The following LCOR variants were observed in gnomAD, a reference collection of about 807,000 sequenced individuals.
LCOR encodes ligand dependent nuclear receptor corepressor, also known as ligand-dependent corepressor.
Under a neutral mutation model 64.4 loss-of-function variants are expected in LCOR, and 14 were observed. The observed-to-expected ratio is 0.22, with a 90% CI of 0.14 to 0.34. The LOEUF (loss-of-function observed/expected upper bound fraction) is 0.34. Ranked by LOEUF, LCOR falls within the 10% of genes least tolerant of loss-of-function variation. The pLI, the probability that LCOR is intolerant of heterozygous loss-of-function variation, is 1.00. For missense variants in LCOR, 1,686 were observed against 1,765.3 expected, an observed-to-expected ratio of 0.96 and a Z score of 0.80; for synonymous variants, 643 against 642.5, an observed-to-expected ratio of 1.00 and a Z score of -0.01.
At chr10:96,958,258 G>A in intron 7 of LCOR, 2 of 1,325,886 alleles carry the variant, frequency 1.5e-6, no homozygotes, top group African/African-American at 1.5e-5. Flanking sequence ...GGCCCTAAAA[G>A]TTCAACTTTT....
intron 2 of LCOR, among the ~76,000 whole-genome samples, chr10:96,866,340 A>G (rs1485356069): frequency 1.3e-5 from 2 of 152,076 alleles, no homozygotes; most frequent in East Asian, 3.9e-4. Flanking sequence ...ACATTAGTTC[A>G]TTCTTTTCTA....
intron 1 of LCOR, 42 bp downstream of exon 1, chr10:96,832,441 C>T: frequency 2.5e-6 from 2 of 790,016 alleles, no homozygotes; most frequent in Non-Finnish European, 3.1e-6. Context: ...CCGGCCGCCC[C>T]GCCGCCGGTC....
At chr10:96,882,178 AAAGGGGCATTGCT>A (rs1353420019) in intron 2 of LCOR, among the ~76,000 whole-genome samples, 2 of 152,216 alleles carry the variant, frequency 1.3e-5, no homozygotes, top group Non-Finnish European at 2.9e-5. Context: ...AAAAGTGGGA[AAAGGGGCATTGCT>A]TTTACCTTTT....
intron 2 of LCOR, among the ~76,000 whole-genome samples, chr10:96,894,990 C>G (rs1589638233): frequency 6.6e-6 from 1 of 152,232 alleles, no homozygotes; most frequent in East Asian, 1.9e-4. Context: ...CTTTTTCTTT[C>G]TAATCTTTAA....
Position 96,992,795 on chromosome 10 carries a change from T to A in LCOR, c.*7661T>A, listed in dbSNP as rs1440722132. On this transcript the variant is annotated 3_prime_UTR_variant, in exon 8 of 8. Coordinates refer to ENST00000421806, the MANE Select transcript of LCOR (RefSeq NM_001346516.2). Reference sequence around the variant, plus strand: ...AACCACTGGTTGCCTAGAGAAAGCATTAAGGTGTATTTCCAGTTCCCCTTT... The same window carrying A: ...AACCACTGGTTGCCTAGAGAAAGCAATAAGGTGTATTTCCAGTTCCCCTTT... The A allele has an allele frequency of 6.6e-6, 1 of 152,366 alleles. No individual in the cohort carries two copies. The highest frequency in any genetic ancestry group is 1.9e-4 in the East Asian group (1 of 5,186). The allele number at this position is 152,366 out of a possible 1,614,324, so 9.4% of individuals were successfully genotyped here.
At chr10:96,887,611 A>G (rs1422384518) in intron 2 of LCOR, among the ~76,000 whole-genome samples, 2 of 151,906 alleles carry the variant, frequency 1.3e-5, no homozygotes, top group Non-Finnish European at 2.9e-5. Flanking sequence ...TCTCCTTAAT[A>G]TTCTATGCAA....
At chr10:96,928,469 G>A (rs183394668) in intron 4 of LCOR, among the ~76,000 whole-genome samples, 1 of 151,830 alleles carries the variant, frequency 6.6e-6, no homozygotes, top group Non-Finnish European at 1.5e-5. Context: ...TTCAAGTTTT[G>A]TCACGAGATT....
intron 6 of LCOR, among the ~76,000 whole-genome samples, chr10:96,950,900 G>A (rs1420999352): frequency 1.3e-5 from 2 of 152,096 alleles, no homozygotes; most frequent in Non-Finnish European, 2.9e-5. Context: ...TGGGTTAGAT[G>A]TCTAATAGGA....
At chr10:96,911,632 T>C (rs186806155) in intron 4 of LCOR, among the ~76,000 whole-genome samples, 2 of 152,244 alleles carry the variant, frequency 1.3e-5, no homozygotes, top group Non-Finnish European at 1.5e-5. Context: ...GAATCCTCAG[T>C]TGGAAATTTC....
chr10:96,890,482 T>C (rs1458159941), intron 2 of LCOR, among the ~76,000 whole-genome samples: 1 of 152,224 alleles, frequency 6.6e-6, no homozygotes, highest in African/African-American at 2.4e-5. Context: ...TTTAGAATTA[T>C]GTATATATAA....
Position 96,958,344 on chromosome 10 carries a change from A to G in LCOR, c.332+6148A>G, listed in dbSNP as rs1305816565. The G allele has an allele frequency of 2.0e-5, 30 of 1,532,306 alleles. No individual in the cohort carries two copies. The Admixed American group carries it at 3.1e-4, about 16-fold the overall frequency. 94.9% of individuals were successfully genotyped at this position (1,532,306 alleles called of 1,614,324 possible). ...GTGATGTATGAGTTGAGTTATGTAA[A>G]TTTTGTCATTGTAGTGTACATGGAG... On this transcript the variant is annotated intron_variant, in intron 7 of 7. Transcript: ENST00000421806.
chr10:96,842,593 A>G (rs1845559447), intron 2 of LCOR, among the ~76,000 whole-genome samples: 2 of 151,892 alleles, frequency 1.3e-5, no homozygotes, highest in African/African-American at 2.4e-5. Context: ...AGTTGATACA[A>G]AAATTTTCTA....
chr10:96,973,106 C>T (rs1848012189), intron 7 of LCOR, among the ~76,000 whole-genome samples: 1 of 152,162 alleles, frequency 6.6e-6, no homozygotes, highest in Non-Finnish European at 1.5e-5. Flanking sequence ...TTTTCTGTAT[C>T]TAGGTTCTAT....
At chr10:96,834,529 A>G (rs1845408017) in intron 2 of LCOR, among the ~76,000 whole-genome samples, 1 of 152,198 alleles carries the variant, frequency 6.6e-6, no homozygotes. Flanking sequence ...GGACTATCAT[A>G]GAAGAGAGCA....
intron 2 of LCOR, among the ~76,000 whole-genome samples, chr10:96,861,473 G>T (rs986034379): frequency 6.6e-6 from 1 of 152,110 alleles, no homozygotes; most frequent in Non-Finnish European, 1.5e-5. Context: ...CCAAACGTGG[G>T]TTTTTTCCCC....
At chr10:96,938,383 C>T (rs1394782077) in intron 4 of LCOR, among the ~76,000 whole-genome samples, 3 of 151,860 alleles carry the variant, frequency 2.0e-5, no homozygotes, top group Admixed American at 2.0e-4. Context: ...TAAAAACAAA[C>T]ACAACAAACT....
intron 2 of LCOR, among the ~76,000 whole-genome samples, chr10:96,882,232 G>T (rs1846275447): frequency 6.6e-6 from 1 of 152,198 alleles, no homozygotes; most frequent in Admixed American, 6.5e-5. Context: ...TGGGTTAACA[G>T]AAGGTAACTG....
At chr10:96,853,544 A>T (rs1177103596) in intron 2 of LCOR, among the ~76,000 whole-genome samples, 1 of 152,170 alleles carries the variant, frequency 6.6e-6, no homozygotes, top group East Asian at 1.9e-4. Context: ...AGGCTTGCTC[A>T]TGTAGTCAGC....
intron 2 of LCOR, among the ~76,000 whole-genome samples, chr10:96,879,125 A>G (rs1484083261): frequency 1.3e-5 from 2 of 152,158 alleles, no homozygotes; most frequent in Non-Finnish European, 2.9e-5. Flanking sequence ...TAAGATGTGT[A>G]TATAACACCC....
Sources: allele counts gnomAD v4.1 joint callset (sites outside exome capture counted in the v4.1 genomes callset), GRCh38; gene constraint gnomAD v4.1.1; transcripts MANE v1.5; gene names NCBI Gene and HGNC (gene_info 2026-07-23, HGNC 2026-07-21).